The following SLCO1B3 variants were observed in gnomAD, a reference collection of about 807,000 sequenced individuals.
The protein encoded by SLCO1B3 is solute carrier organic anion transporter family member 1B3, also known as liver-specific organic anion transporter 2.
Under a neutral mutation model 71.8 loss-of-function variants are expected in SLCO1B3, and 72 were observed. The observed-to-expected ratio is 1.00, with a 90% CI of 0.83 to 1.22. The LOEUF is 1.22. Among genes scored for constraint, SLCO1B3 ranks in the 50% most tolerant of loss-of-function variants. SLCO1B3 has a pLI of 0.00. For missense variants in SLCO1B3, 911 were observed against 819.7 expected (o/e 1.11, Z -1.36); for synonymous variants, 298 against 278.4 (o/e 1.07, Z -0.70).
chr12:20,902,757 A>G (rs1486113796), intron 15 of SLCO1B3, among the ~76,000 whole-genome samples: 3 of 152,158 alleles, frequency 2.0e-5, no homozygotes, highest in African/African-American at 7.2e-5. Context: ...TCCTATGTAT[A>G]TAAGGATCTC....
chr12:20,912,731 C>T (rs1276296760), intron 15 of SLCO1B3, among the ~76,000 whole-genome samples: 2 of 151,552 alleles, frequency 1.3e-5, no homozygotes, highest in Admixed American at 1.3e-4. Context: ...ACCATGTTGG[C>T]CAGGATGGTC....
chr12:20,876,365 A>G (rs956802175), intron 9 of SLCO1B3, among the ~76,000 whole-genome samples: 1 of 152,208 alleles, frequency 6.6e-6, no homozygotes, highest in Admixed American at 6.5e-5. Flanking sequence ...GTGAAGTAGT[A>G]AAACCTGAAG....
At chr12:20,892,582 G>A (rs1172129126) in intron 13 of SLCO1B3, among the ~76,000 whole-genome samples, 33 of 152,260 alleles carry the variant, frequency 2.2e-4, no homozygotes, top group Non-Finnish European at 2.9e-5. Context: ...AATTTTCTAT[G>A]TGGGTAAAAG....
chr12:20,810,876 T>C (rs1340280561), intron 1 of SLCO1B3, 112 bp downstream of exon 1: 1 of 152,212 alleles, frequency 6.6e-6, no homozygotes, highest in East Asian at 1.9e-4. Context: ...GATTTTATGC[T>C]CTGTGTCTTC....
intron 3 of SLCO1B3, among the ~76,000 whole-genome samples, chr12:20,823,803 C>A (rs779481015): frequency 5.3e-5 from 8 of 152,068 alleles, no homozygotes; most frequent in Non-Finnish European, 1.0e-4. Flanking sequence ...AGTTCCTGGA[C>A]CAGTCAAAAA....
At chr12:20,869,828 C>T (rs1268548301) in intron 8 of SLCO1B3, among the ~76,000 whole-genome samples, 2 of 151,996 alleles carry the variant, frequency 1.3e-5, no homozygotes, top group South Asian at 2.1e-4. Flanking sequence ...ATCCTAATTT[C>T]GATTATTTTG....
chr12:20,844,254 A>T (rs977662604), intron 3 of SLCO1B3, among the ~76,000 whole-genome samples: 3 of 152,038 alleles, frequency 2.0e-5, no homozygotes, highest in Non-Finnish European at 2.9e-5. Flanking sequence ...ATATATATGT[A>T]TGTATTTCCA....
rs1865299655 is a variant in SLCO1B3 at position 20,862,908 on chromosome 12, C to T, written c.727+54C>T. 3 of 918,072 alleles carry T rather than the reference C, an allele frequency of 3.3e-6. No homozygotes were observed. The East Asian group carries it at 7.5e-5, about 23-fold the overall frequency. The allele number at this position is 918,072 out of a possible 1,614,324, so 56.9% of individuals were successfully genotyped here. On this transcript the variant is annotated intron_variant, in intron 8 of 15. Coordinates refer to ENST00000381545, the MANE Select transcript of SLCO1B3 (RefSeq NM_019844.4). ...ATAGTGTCTTTTAAGTGCAGGACAC[C>T]ATTCTTCCAAAGAATTAAATTCAGT...
intron 3 of SLCO1B3, among the ~76,000 whole-genome samples, chr12:20,841,325 AC>A (rs1200949932): frequency 3.3e-5 from 5 of 152,222 alleles, no homozygotes; most frequent in African/African-American, 1.2e-4. Flanking sequence ...CAAAAGTAGC[AC>A]CCAGAAGTCC....
At chr12:20,889,506 T>C (rs1865860362) in intron 13 of SLCO1B3, among the ~76,000 whole-genome samples, 5 of 152,162 alleles carry the variant, frequency 3.3e-5, no homozygotes. Context: ...GTCATAGTAG[T>C]CTCTGATGAT....
chr12:20,816,567 A>G (rs1320377249), intron 3 of SLCO1B3, among the ~76,000 whole-genome samples: 1 of 152,192 alleles, frequency 6.6e-6, no homozygotes, highest in Non-Finnish European at 1.5e-5. Flanking sequence ...TCCATTGTGT[A>G]TATGTCCCAC....
rs565209940 is a variant in SLCO1B3 at position 20,833,795 on chromosome 12, AAAGT to A, written c.84+17974_84+17977del. Among the ~76,000 whole-genome samples, 18 of 147,910 alleles carry A rather than the reference AAAGT, an allele frequency of 1.2e-4. 1 individual carries two copies. In the East Asian group the frequency reaches 2.6e-3, roughly 21 times the overall value. Reference sequence around the variant, plus strand: ...TTTATCATCTATCTCTCTATTTCATAAAGTGTGTGTGTATATATCTATATATGCA... The same window carrying A: ...TTTATCATCTATCTCTCTATTTCATAGTGTGTGTATATATCTATATATGCA... On this transcript the variant is annotated intron_variant, in intron 3 of 15. Transcript: ENST00000381545.
intron 3 of SLCO1B3, among the ~76,000 whole-genome samples, chr12:20,837,730 A>G (rs1864713369): frequency 6.6e-6 from 1 of 152,152 alleles, no homozygotes; most frequent in Non-Finnish European, 1.5e-5. Context: ...TATGGCTTAG[A>G]ATGTGGTCTT....
chr12:20,818,828 T>G (rs1342064325), intron 3 of SLCO1B3, among the ~76,000 whole-genome samples: 1 of 152,070 alleles, frequency 6.6e-6, no homozygotes, highest in African/African-American at 2.4e-5. Context: ...GGGATGAACA[T>G]CAGGTGGATC....
chr12:20,900,656 C>G (rs1866111084), intron 14 of SLCO1B3, among the ~76,000 whole-genome samples: 2 of 152,054 alleles, frequency 1.3e-5, no homozygotes, highest in South Asian at 2.1e-4. Context: ...CAACGGAGAC[C>G]CTAACCTGCA....
chr12:20,899,610 C>T (rs1329088029), intron 14 of SLCO1B3, among the ~76,000 whole-genome samples: 1 of 152,168 alleles, frequency 6.6e-6, no homozygotes, highest in African/African-American at 2.4e-5. Context: ...CCGTCCCTTT[C>T]TGTGTCCCTA....
At chr12:20,859,334 C>A (rs1034712144) in intron 5 of SLCO1B3, among the ~76,000 whole-genome samples, 8 of 152,090 alleles carry the variant, frequency 5.3e-5, no homozygotes, top group Admixed American at 2.6e-4. Flanking sequence ...TTATTCCAGG[C>A]TTCCGTATTT....
intron 15 of SLCO1B3, among the ~76,000 whole-genome samples, chr12:20,911,829 TA>T (rs1866383591): frequency 6.6e-6 from 1 of 152,182 alleles, no homozygotes; most frequent in African/African-American, 2.4e-5. Context: ...CCTTTTTATC[TA>T]AATTAGCCTG....
intron 8 of SLCO1B3, among the ~76,000 whole-genome samples, chr12:20,868,937 A>G (rs1007649999): frequency 6.6e-6 from 1 of 152,190 alleles, no homozygotes; most frequent in Admixed American, 6.5e-5. Context: ...CATATCAGAG[A>G]CTTTTAGTAC....
Sources: allele counts gnomAD v4.1 joint callset (sites outside exome capture counted in the v4.1 genomes callset), GRCh38; gene constraint gnomAD v4.1.1; transcripts MANE v1.5; gene names NCBI Gene and HGNC (gene_info 2026-07-23, HGNC 2026-07-21).